The following COL5A2 variants were observed in gnomAD, a reference collection of about 807,000 sequenced individuals.
The protein encoded by COL5A2 is collagen alpha-2(V) chain.
In COL5A2, 23 loss-of-function variants were observed where a neutral mutation model predicts 208.2. The ratio of observed to expected loss-of-function variants is 0.11; its 90% CI spans 0.08 to 0.16. The LOEUF (loss-of-function observed/expected upper bound fraction) is 0.16, where lower values mean the gene tolerates loss of function less well. Among genes scored for constraint, COL5A2 ranks in the 10% least tolerant of loss-of-function variants. The pLI, the probability that COL5A2 is intolerant of heterozygous loss-of-function variation, is 1.00. For synonymous variants in COL5A2, 625 were observed against 628.5 expected (o/e 0.99, Z 0.08); for missense variants, 1,590 against 1,956.4 (o/e 0.81, Z 3.53).
In COL5A2 at chr2:189,057,047, C is replaced by T. The variant is rs149932760; in HGVS notation, c.2338-21G>A. ...CCACCCTGGGAAAACACACAAAATA[C>T]AATTGATTCATTTAATTGTCTCTTT... On this transcript the variant is annotated intron_variant, in intron 34 of 53. Coordinates refer to ENST00000374866, the MANE Select transcript of COL5A2 (RefSeq NM_000393.5). 169 of 1,609,616 alleles carry T rather than the reference C, an allele frequency of 1.0e-4. 1 individual carries two copies. The Admixed American group carries it at 2.8e-3, about 26-fold the overall frequency.
chr2:189,033,017 T>C lies in COL5A2; in HGVS notation c.*1053A>G, dbSNP rs950591142. The C allele has an allele frequency of 5.2e-5, 8 of 152,612 alleles. No individual in the cohort carries two copies. Among genetic ancestry groups the C allele is most frequent in the Admixed American group, 2.0e-4 (3 of 15,278 alleles). 9.5% of individuals were successfully genotyped at this position (152,612 alleles called of 1,614,324 possible). ...TCCATCCCAGCTTCTAGAGATGAGG[T>C]AGCTCATGCTAAGAAATGTTGGGTC... is the stretch of plus-strand genomic sequence containing the variant. On this transcript the variant is annotated 3_prime_UTR_variant, in exon 54 of 54. Transcript: ENST00000374866.
the COL5A2 span, among the ~76,000 whole-genome samples, chr2:189,299,154 T>C: frequency 1.3e-5 from 2 of 152,216 alleles, no homozygotes; most frequent in Non-Finnish European, 2.9e-5. Flanking sequence ...CAACTAATAA[T>C]TGAATTTTCC....
At chr2:189,379,753 A>G in the COL5A2 span, among the ~76,000 whole-genome samples, 2 of 152,240 alleles carry the variant, frequency 1.3e-5, no homozygotes, top group African/African-American at 4.8e-5. Context: ...GAGATATATA[A>G]CTCCAAGCTC....
chr2:189,155,725 T>C (rs1242421587), intron 1 of COL5A2, among the ~76,000 whole-genome samples: 1 of 152,202 alleles, frequency 6.6e-6, no homozygotes, highest in Non-Finnish European at 1.5e-5. Context: ...TATTAGTTTC[T>C]GTCATAATAA....
At chr2:189,133,817 A>G (rs567973658) in intron 1 of COL5A2, among the ~76,000 whole-genome samples, 2 of 152,292 alleles carry the variant, frequency 1.3e-5, no homozygotes, top group South Asian at 2.1e-4. Context: ...TATGTTTCAC[A>G]CAAGAAAAAG....
intron 1 of COL5A2, among the ~76,000 whole-genome samples, chr2:189,123,892 A>G (rs1687558328): frequency 6.6e-6 from 1 of 152,162 alleles, no homozygotes; most frequent in African/African-American, 2.4e-5. Flanking sequence ...ATATACGCCC[A>G]TAACTATTAT....
intron 47 of COL5A2, 140 bp downstream of exon 47, chr2:189,045,039 A>G (rs1219926041): frequency 4.2e-5 from 22 of 524,934 alleles, no homozygotes; most frequent in Middle Eastern, 5.3e-4. Context: ...AATAAGAGTA[A>G]ACTTATAATT....
chr2:189,159,758 GTAATC>G (rs1688321795), intron 1 of COL5A2, among the ~76,000 whole-genome samples: 1 of 152,030 alleles, frequency 6.6e-6, no homozygotes, highest in East Asian at 1.9e-4. Context: ...GCTCATGCCT[GTAATC>G]TCAGCACTTT....
At chr2:189,084,178 T>C (rs1301312030) in intron 11 of COL5A2, 141 bp from the exon 12 acceptor site, 1 of 650,550 alleles carries the variant, frequency 1.5e-6, no homozygotes, top group African/African-American at 1.8e-5. Context: ...GTGCAAAAAA[T>C]AAAGTAAAAA....
At chr2:189,096,811 G>A (rs1259660648) in intron 6 of COL5A2, among the ~76,000 whole-genome samples, 1 of 152,122 alleles carries the variant, frequency 6.6e-6, no homozygotes, top group Non-Finnish European at 1.5e-5. Flanking sequence ...TGGGATTGCT[G>A]ATTTTTAAAA....
chr2:189,438,786 T>C, the COL5A2 span, among the ~76,000 whole-genome samples: 1 of 152,194 alleles, frequency 6.6e-6, no homozygotes, highest in Non-Finnish European at 1.5e-5. Context: ...AGAAAGCAGA[T>C]TTTATTGTAT....
intron 29 of COL5A2, among the ~76,000 whole-genome samples, chr2:189,062,335 C>A: frequency 6.6e-6 from 1 of 151,998 alleles, no homozygotes; most frequent in East Asian, 1.9e-4. Context: ...AGGCACATGC[C>A]ACCATGCCAG....
In COL5A2 at chr2:189,094,532, C is replaced by T. The variant is rs139426573; in HGVS notation, c.457-2112G>A. ...TCCACAAGTAGAAAAGACGAATGAC[C>T]GGGAACTGTTAAAGAACTTCATTTC... On this transcript the variant is annotated intron_variant, in intron 6 of 53. Transcript: ENST00000374866. 7.4e-3 allele frequency among the ~76,000 whole-genome samples: 1,045 copies of T among 140,408 alleles called. 16 individuals carry two copies. The highest frequency in any genetic ancestry group is 0.025 in the African/African-American group (962 of 38,664). 92.1% of individuals were successfully genotyped at this position (140,408 alleles called of 152,430 possible).
At chr2:189,243,728 T>G in the COL5A2 span, among the ~76,000 whole-genome samples, 1 of 152,152 alleles carries the variant, frequency 6.6e-6, no homozygotes, top group African/African-American at 2.4e-5. Flanking sequence ...ATTTCAGCAT[T>G]AATTCAAAAG....
the COL5A2 span, among the ~76,000 whole-genome samples, chr2:189,237,564 A>G: frequency 6.6e-6 from 1 of 151,782 alleles, no homozygotes; most frequent in African/African-American, 2.4e-5. Context: ...TAAGAAATGC[A>G]CCTCAGAGAA....
At chr2:189,300,857 G>T in the COL5A2 span, among the ~76,000 whole-genome samples, 2 of 152,142 alleles carry the variant, frequency 1.3e-5, no homozygotes, top group Admixed American at 1.3e-4. Flanking sequence ...ATGATCATGT[G>T]TTCACCATCT....
At chr2:189,231,992 T>A in the COL5A2 span, among the ~76,000 whole-genome samples, 8 of 151,788 alleles carry the variant, frequency 5.3e-5, no homozygotes, top group African/African-American at 1.9e-4. Flanking sequence ...AAGGTCTCTG[T>A]CCTGCTCCAT....
Position 189,079,044 on chromosome 2 carries a change from C to T in COL5A2, c.1005+19G>A, listed in dbSNP as rs773395542. On this transcript the variant is annotated intron_variant, in intron 15 of 53. Transcript: ENST00000374866. ...AATATAACCTTAGAAATTTAAGAAA[C>T]AAGAAAACGAGCACATACCAGAGGA... 1.2e-6 allele frequency: 2 copies of T among 1,602,998 alleles called. No homozygotes were observed. The highest frequency in any genetic ancestry group is 1.3e-5 in the African/African-American group (1 of 74,550).
chr2:189,038,998 A>G (rs1685500228), intron 51 of COL5A2, among the ~76,000 whole-genome samples: 1 of 152,030 alleles, frequency 6.6e-6, no homozygotes, highest in Admixed American at 6.6e-5. Context: ...CTGTTTTGTG[A>G]CTTTTTAATG....
Sources: gnomAD v4.1 joint callset for allele counts (sites outside exome capture counted in the v4.1 genomes callset) on GRCh38, gnomAD v4.1.1 for gene constraint, MANE v1.5 for transcripts, NCBI Gene and HGNC (gene_info 2026-07-23, HGNC 2026-07-21) for gene names.